The following ZNF454 variants were observed in gnomAD, a reference collection of about 807,000 sequenced individuals.
The protein encoded by ZNF454 is zinc finger protein 454.
ZNF454 carries 30 observed loss-of-function variants against 48.2 expected under a neutral mutation model. The observed-to-expected ratio is 0.62, with a 90% CI of 0.47 to 0.84. The LOEUF (loss-of-function observed/expected upper bound fraction) is 0.84, where lower values mean the gene tolerates loss of function less well. Among genes scored for constraint, ZNF454 ranks in the 40% least tolerant of loss-of-function variants. The pLI is 0.00. For synonymous variants in ZNF454, 204 were observed against 211.4 expected, an observed-to-expected ratio of 0.97 and a Z score of 0.30; for missense variants, 510 against 623.1, an observed-to-expected ratio of 0.82 and a Z score of 1.93.
rs1410605249 is a variant in ZNF454, at chr5:178,944,496, C to T, written c.33+1672C>T. Among the ~76,000 whole-genome samples the T allele has an allele frequency of 1.3e-5, 2 of 152,144 alleles. No homozygotes were observed. Among genetic ancestry groups the T allele is most frequent in the African/African-American group, 4.8e-5 (2 of 41,416 alleles). ...ATCTGGGCTACAAATACAAAGTGAA[C>T]GATAAATGGGCCCTGACAAATTGGT... On this transcript the variant is annotated intron_variant, in intron 2 of 4. Coordinates refer to ENST00000519564, the MANE Select transcript of ZNF454 (RefSeq NM_001178089.3). The surrounding 1 kb of genome is among the most constrained non-coding windows in gnomAD (Gnocchi z 4.1).
chr5:178,956,674 A>ATTTTATTTT (rs1561702161), intron 4 of ZNF454, among the ~76,000 whole-genome samples: 20 of 33,872 alleles, frequency 5.9e-4, no homozygotes, highest in African/African-American at 1.1e-3. Flanking sequence ...TATTTTATTT[A>ATTTTATTTT]ATTTATTTAT....
At chr5:178,954,083 A>T (rs1051562162) in intron 4 of ZNF454, among the ~76,000 whole-genome samples, 14 of 151,944 alleles carry the variant, frequency 9.2e-5, no homozygotes, top group African/African-American at 3.4e-4. Context: ...ACGTGGCAAA[A>T]CCCCATCTCT....
the ZNF454 span, chr5:178,983,537 A>C: frequency 0.078 from 43,331 of 553,378 alleles, 2,260 homozygotes; most frequent in African/African-American, 0.19. Flanking sequence ...CCTGCATTCT[A>C]GCCATTACCA....
chr5:178,983,243 C>G, the ZNF454 span: 1 of 1,596,242 alleles, frequency 6.3e-7, no homozygotes, highest in Non-Finnish European at 8.6e-7. Context: ...AACACTGCAT[C>G]AGACACAGCA....
chr5:178,981,569 ACC>A, the ZNF454 span: 1 of 1,033,510 alleles, frequency 9.7e-7, no homozygotes, highest in Non-Finnish European at 1.5e-6. The surrounding 1 kb of genome is among the most constrained non-coding windows in gnomAD (Gnocchi z 5.1). Flanking sequence ...CTGACTGTTC[ACC>A]GTGGACCCGG....
intron 4 of ZNF454, among the ~76,000 whole-genome samples, chr5:178,951,563 C>A (rs896893168): frequency 1.3e-5 from 2 of 152,202 alleles, no homozygotes; most frequent in Admixed American, 6.5e-5. Context: ...CTGTAGAAAC[C>A]TTTCTACAAC....
At chr5:178,951,938 C>T (rs953948176) in intron 4 of ZNF454, among the ~76,000 whole-genome samples, 2 of 152,094 alleles carry the variant, frequency 1.3e-5, no homozygotes, top group African/African-American at 2.4e-5. Flanking sequence ...AAATTTGAAA[C>T]TATCAGAGTT....
chr5:178,983,308 C>G, the ZNF454 span: 1 of 1,147,820 alleles, frequency 8.7e-7, no homozygotes, highest in Non-Finnish European at 1.3e-6. Flanking sequence ...GGGTCAGGAT[C>G]CCCTTGAGGC....
rs1044447778 is a variant in ZNF454 at position 178,946,054 on chromosome 5, C to T, written c.34-305C>T. ...CCCTGGGGTGAGCGGAGAGGCAGGGCTAGGCGGTTTGAGGGAGATGGAGAA... is the reference window on the plus strand; with the variant it reads ...CCCTGGGGTGAGCGGAGAGGCAGGGTTAGGCGGTTTGAGGGAGATGGAGAA... On this transcript the variant is annotated intron_variant, in intron 2 of 4. Coordinates refer to ENST00000519564, the MANE Select transcript of ZNF454 (RefSeq NM_001178089.3). The surrounding 1 kb of genome is among the most constrained non-coding windows in gnomAD (Gnocchi z 4.5). 2.0e-5 allele frequency among the ~76,000 whole-genome samples: 3 copies of T among 152,048 alleles called. No individual in the cohort carries two copies. The highest frequency in any genetic ancestry group is 4.4e-5 in the Non-Finnish European group (3 of 67,992).
In ZNF454 at chr5:178,954,775, AC is replaced by A. The variant is rs574695842; in HGVS notation, c.250+7793del. ...TAACCTACTTGCTGCCACTGCGAGT[AC>A]CCCTCTCCAGGATTTCATGTGAATG... On this transcript the variant is annotated intron_variant, in intron 4 of 4. Coordinates refer to ENST00000519564, the MANE Select transcript of ZNF454 (RefSeq NM_001178089.3). Among the ~76,000 whole-genome samples, 178 of 152,230 alleles carry A rather than the reference AC, an allele frequency of 1.2e-3. 1 individual carries two copies. The highest frequency in any genetic ancestry group is 2.0e-3 in the Non-Finnish European group (134 of 68,024).
At chr5:178,959,466 C>T (rs1247855434) in intron 4 of ZNF454, among the ~76,000 whole-genome samples, 1 of 152,134 alleles carries the variant, frequency 6.6e-6, no homozygotes, top group African/African-American at 2.4e-5. Flanking sequence ...GTTTTGTCCT[C>T]TTCTTTTAGA....
chr5:178,947,045 G>A (rs1349326401), intron 4 of ZNF454, 59 bp downstream of exon 4: 8 of 1,448,008 alleles, frequency 5.5e-6, no homozygotes, highest in Admixed American at 3.9e-5. Context: ...GGAAGGCTCC[G>A]TAGGGAAGGC....
At chr5:178,984,889 C>T in the ZNF454 span, among the ~76,000 whole-genome samples, 9 of 152,126 alleles carry the variant, frequency 5.9e-5, no homozygotes, top group South Asian at 4.1e-4. Context: ...CCTGAGAACC[C>T]AGCTGGCCCT....
At chr5:178,945,484 A>G (rs1581857038) in intron 2 of ZNF454, among the ~76,000 whole-genome samples, 2 of 118,092 alleles carry the variant, frequency 1.7e-5, no homozygotes, top group African/African-American at 3.4e-5. Context: ...GTGTATGTGG[A>G]GGGATATGGG....
the ZNF454 span, chr5:178,986,164 T>C: frequency 6.2e-7 from 1 of 1,613,836 alleles, no homozygotes; most frequent in Non-Finnish European, 8.5e-7. Flanking sequence ...GATGACCAGC[T>C]GTGAGGTGGG....
chr5:178,987,947 A>G, the ZNF454 span, among the ~76,000 whole-genome samples: 5 of 148,724 alleles, frequency 3.4e-5, no homozygotes, highest in Non-Finnish European at 5.9e-5. Flanking sequence ...TTTAGTAGAG[A>G]TGGGGTTTCA....
chr5:178,986,487 C>G, the ZNF454 span: 1 of 1,610,440 alleles, frequency 6.2e-7, no homozygotes, highest in Non-Finnish European at 8.5e-7. Flanking sequence ...CCAGGAGGAG[C>G]GGCGGGGCTG....
At chr5:178,989,907 A>C in the ZNF454 span, 3 of 226,770 alleles carry the variant, frequency 1.3e-5, no homozygotes, top group Non-Finnish European at 2.6e-5. Flanking sequence ...CCCATGCCTA[A>C]AGTCACCAAC....
chr5:178,965,859 A>C lies in ZNF454; in HGVS notation c.1455A>C (p.Gln485His). The change falls in exon 5 of 5, where the codon CAA becomes CAC. Residue 485 changes from glutamine (Q) to histidine (H), a missense_variant. This residue lies in a region of ZNF454 where 153 missense variants were observed against 195.8 expected (regional missense o/e 0.78). Coordinates refer to ENST00000519564, the MANE Select transcript of ZNF454 (RefSeq NM_001178089.3). This position sits in a 1 kb window ranked among gnomAD's most constrained non-coding sequence, Gnocchi z 5.2. ...TTATCCGAAGCACTCACCTGACTCA[A>C]CATCAGAGGATTCACACAGGAGAGA... Reference protein sequence around the residue: ...KAFIRSTHLTQHQRIHTGEKP... With the variant: ...KAFIRSTHLTHHQRIHTGEKP... The C allele has an allele frequency of 6.2e-7, 1 of 1,614,018 alleles. No individual in the cohort carries two copies. The highest frequency in any genetic ancestry group is 8.5e-7 in the Non-Finnish European group (1 of 1,179,994).
Sources: gnomAD v4.1 joint callset for allele counts (sites outside exome capture counted in the v4.1 genomes callset) on GRCh38, gnomAD v4.1.1 for gene constraint, gnomAD v4.1.1 regional missense constraint, Gnocchi (gnomAD v3.1) non-coding constraint, MANE v1.5 for transcripts, NCBI Gene and HGNC (gene_info 2026-07-23, HGNC 2026-07-21) for gene names.